The following CENPW variants were observed in gnomAD, a reference collection of about 807,000 sequenced individuals.
The protein encoded by CENPW is cancer-up-regulated gene 2 protein.
A neutral mutation model predicts 11.1 loss-of-function variants in CENPW; 3 were observed. The observed-to-expected ratio is 0.27, with a 90% CI of 0.12 to 0.70. The LOEUF (loss-of-function observed/expected upper bound fraction) is 0.70. Ranked by LOEUF, CENPW falls within the 30% of genes least tolerant of loss-of-function variation. The pLI is 0.77. For synonymous variants in CENPW, 38 were observed against 42.0 expected, an observed-to-expected ratio of 0.91 and a Z score of 0.37; for missense variants, 100 against 105.6, an observed-to-expected ratio of 0.95 and a Z score of 0.23.
At chr6:126,350,417 G>GA (rs1780477961), downstream of CENPW, among the ~76,000 whole-genome samples, 1 of 151,970 alleles carries the variant, frequency 6.6e-6, no homozygotes, top group Non-Finnish European at 1.5e-5. Context: ...TCATACGGAG[G>GA]AAAAAAGGCC....
chr6:126,447,205 G>A, the CENPW span, among the ~76,000 whole-genome samples: 1 of 151,106 alleles, frequency 6.6e-6, no homozygotes, highest in Admixed American at 6.6e-5. Flanking sequence ...ATAATGCCCA[G>A]GAATCTGCAT....
chr6:126,386,441 C>T, the CENPW span, among the ~76,000 whole-genome samples: 3 of 151,954 alleles, frequency 2.0e-5, no homozygotes, highest in Non-Finnish European at 4.4e-5. Context: ...ATTAAACATG[C>T]CCAGTACTAT....
At chr6:126,375,416 T>C in the CENPW span, among the ~76,000 whole-genome samples, 1 of 152,186 alleles carries the variant, frequency 6.6e-6, no homozygotes, top group Non-Finnish European at 1.5e-5. Context: ...GATTCTGTGT[T>C]GAAAAAACTA....
the CENPW span, among the ~76,000 whole-genome samples, chr6:126,425,457 C>G: frequency 6.6e-6 from 1 of 152,074 alleles, no homozygotes; most frequent in East Asian, 1.9e-4. Flanking sequence ...AAAATCCTGT[C>G]TGATTTAAGG....
chr6:126,344,908 C>G (rs1780380187), intron 1 of CENPW, among the ~76,000 whole-genome samples: 1 of 152,076 alleles, frequency 6.6e-6, no homozygotes, highest in African/African-American at 2.4e-5. Context: ...ATAAATTGTT[C>G]TTCTTACTGC....
the CENPW span, among the ~76,000 whole-genome samples, chr6:126,451,984 C>T: frequency 6.6e-6 from 1 of 151,020 alleles, no homozygotes; most frequent in Non-Finnish European, 1.5e-5. Context: ...CCAATAGACC[C>T]CCCACCCAGG....
chr6:126,363,615 CA>C, the CENPW span, among the ~76,000 whole-genome samples: 7 of 152,086 alleles, frequency 4.6e-5, no homozygotes, highest in Non-Finnish European at 1.5e-5. Flanking sequence ...TGGTATTTTC[CA>C]ATATTTTCTC....
At chr6:126,395,978 T>A in the CENPW span, among the ~76,000 whole-genome samples, 1 of 152,056 alleles carries the variant, frequency 6.6e-6, no homozygotes, top group Non-Finnish European at 1.5e-5. Flanking sequence ...CTGTGATAGG[T>A]CAGACCTGAA....
the CENPW span, among the ~76,000 whole-genome samples, chr6:126,425,393 G>A: frequency 6.6e-6 from 1 of 151,964 alleles, no homozygotes; most frequent in South Asian, 2.1e-4. Flanking sequence ...CTCAAGAACA[G>A]CCAATAGCCA....
chr6:126,374,814 G>A, the CENPW span, among the ~76,000 whole-genome samples: 3 of 152,146 alleles, frequency 2.0e-5, no homozygotes, highest in East Asian at 3.8e-4. Context: ...CTAGCTATAT[G>A]AGTAGCTCAA....
At chr6:126,379,521 T>G in the CENPW span, among the ~76,000 whole-genome samples, 35 of 152,284 alleles carry the variant, frequency 2.3e-4, 2 homozygotes, top group South Asian at 7.0e-3. Flanking sequence ...TGCTCTTAAT[T>G]TTTATTATGC....
At chr6:126,433,379 T>G in the CENPW span, among the ~76,000 whole-genome samples, 1 of 152,208 alleles carries the variant, frequency 6.6e-6, no homozygotes, top group East Asian at 1.9e-4. Flanking sequence ...GACTGGAGAA[T>G]ACTCTGCATG....
chr6:126,467,338 G>A, the CENPW span, among the ~76,000 whole-genome samples: 1 of 152,066 alleles, frequency 6.6e-6, no homozygotes, highest in African/African-American at 2.4e-5. Flanking sequence ...AAACAAGGCT[G>A]CACACCTCCA....
chr6:126,423,693 T>C, the CENPW span, among the ~76,000 whole-genome samples: 1 of 151,936 alleles, frequency 6.6e-6, no homozygotes, highest in African/African-American at 2.4e-5. Flanking sequence ...TAAGGAATCA[T>C]GGGAAGCATT....
At chr6:126,371,501 T>A in the CENPW span, among the ~76,000 whole-genome samples, 1 of 152,196 alleles carries the variant, frequency 6.6e-6, no homozygotes, top group African/African-American at 2.4e-5. Flanking sequence ...AATATTTTGT[T>A]AAGGATTTTT....
the CENPW span, among the ~76,000 whole-genome samples, chr6:126,406,220 T>C: frequency 6.6e-6 from 1 of 151,962 alleles, no homozygotes; most frequent in Non-Finnish European, 1.5e-5. Flanking sequence ...TATATGGCTT[T>C]TTTTCTTCAT....
downstream of CENPW, among the ~76,000 whole-genome samples, chr6:126,350,794 A>C (rs1410190175): frequency 6.6e-6 from 1 of 152,158 alleles, no homozygotes; most frequent in African/African-American, 2.4e-5. Flanking sequence ...ATGTGAAAAA[A>C]TTTAAATCTT....
intron 2 of CENPW, 67 bp downstream of exon 2, chr6:126,346,385 C>T (rs1414296252): frequency 3.3e-6 from 3 of 902,522 alleles, no homozygotes; most frequent in African/African-American, 3.3e-5. Context: ...TTCATCACCT[C>T]TCCCTGATTT....
At chr6:126,363,728 A>G in the CENPW span, among the ~76,000 whole-genome samples, 1 of 152,210 alleles carries the variant, frequency 6.6e-6, no homozygotes, top group East Asian at 1.9e-4. Context: ...GAGTAGTGCT[A>G]AGTATTTAAA....
Sources: gnomAD v4.1 joint callset for allele counts (sites outside exome capture counted in the v4.1 genomes callset) on GRCh38, gnomAD v4.1.1 for gene constraint, MANE v1.5 for transcripts, NCBI Gene and HGNC (gene_info 2026-07-23, HGNC 2026-07-21) for gene names.